The following PDZRN3 variants were observed in gnomAD, a reference collection of about 807,000 sequenced individuals.
The protein encoded by PDZRN3 is PDZ domain containing ring finger 3.
PDZRN3 carries 38 observed loss-of-function variants against 85.7 expected under a neutral mutation model. That is an observed-to-expected ratio of 0.44 (90% confidence interval 0.34 to 0.58). The LOEUF is 0.58. Among genes scored for constraint, PDZRN3 ranks in the 20% least tolerant of loss-of-function variants. The probability of loss-of-function intolerance (pLI) is 0.01; values close to 1 mark genes in which losing one functional copy is unlikely to be tolerated. For synonymous variants in PDZRN3, 759 were observed against 638.0 expected, an observed-to-expected ratio of 1.19 and a Z score of -2.86; for missense variants, 1,629 against 1,506.4, an observed-to-expected ratio of 1.08 and a Z score of -1.35.
chr3:73,508,790 A>T (rs2106701828), intron 3 of PDZRN3, among the ~76,000 whole-genome samples: 1 of 152,302 alleles, frequency 6.6e-6, no homozygotes, highest in Admixed American at 6.5e-5. Flanking sequence ...CACAAAATTG[A>T]TACATTGGAA....
At chr3:73,442,031 A>C (rs9818674) in intron 3 of PDZRN3, among the ~76,000 whole-genome samples, 135,831 of 152,208 alleles carry the variant, frequency 0.89, 60,649 homozygotes, top group East Asian at 1. Context: ...TGTGAATGTG[A>C]CCAATGTATC....
chr3:73,552,341 A>G (rs963789766), intron 3 of PDZRN3, among the ~76,000 whole-genome samples: 1 of 151,804 alleles, frequency 6.6e-6, no homozygotes, highest in African/African-American at 2.4e-5. Flanking sequence ...TAACTTTCTC[A>G]CCACTCAAAA....
intron 3 of PDZRN3, among the ~76,000 whole-genome samples, chr3:73,411,608 AGTG>A (rs1559664180): frequency 0.011 from 1,622 of 152,164 alleles, 18 homozygotes; most frequent in African/African-American, 0.037. Context: ...AGTCCACCAT[AGTG>A]GCAGCAGGTG....
chr3:73,483,094 G>A (rs961711902), intron 3 of PDZRN3, among the ~76,000 whole-genome samples: 3 of 152,150 alleles, frequency 2.0e-5, no homozygotes, highest in Non-Finnish European at 2.9e-5. Flanking sequence ...TACTTCAGAG[G>A]AGGTCAATTA....
At chr3:73,521,445 C>G (rs1339398077) in intron 3 of PDZRN3, among the ~76,000 whole-genome samples, 2 of 152,094 alleles carry the variant, frequency 1.3e-5, no homozygotes, top group Non-Finnish European at 1.5e-5. Context: ...TCTGAGGTCT[C>G]TGAATTGCCT....
chr3:73,384,394 G>A lies in PDZRN3; in HGVS notation c.2172C>T (p.Ser724=), dbSNP rs1208333223. Reference sequence around the variant, plus strand: ...TGCTGGTGTTGTAGTTGCGGAAGCCGCTGTTGTGCAGCATCCAGGACTCGC... The same window carrying A: ...TGCTGGTGTTGTAGTTGCGGAAGCCACTGTTGTGCAGCATCCAGGACTCGC... ...QYRESWMLHN[S]GFRNYNTSID... is the part of the protein sequence containing the mutation. The change falls in exon 10 of 10, where the codon AGC becomes AGT. Residue 724 remains serine, a synonymous_variant. Coordinates refer to ENST00000263666, the MANE Select transcript of PDZRN3 (RefSeq NM_015009.3). The A allele has an allele frequency of 1.9e-6, 3 of 1,609,380 alleles. No homozygotes were observed. The highest frequency in any genetic ancestry group is 1.7e-4 in the Middle Eastern group (1 of 6,058).
chr3:73,515,005 A>C (rs1447511570), intron 3 of PDZRN3, among the ~76,000 whole-genome samples: 2 of 152,006 alleles, frequency 1.3e-5, no homozygotes, highest in Non-Finnish European at 2.9e-5. Context: ...GTAAAACAAA[A>C]TCCCCCTATA....
At chr3:73,438,752 C>T (rs768688434) in intron 3 of PDZRN3, among the ~76,000 whole-genome samples, 14 of 152,200 alleles carry the variant, frequency 9.2e-5, no homozygotes, top group Admixed American at 2.0e-4. Context: ...TACTGTTCGC[C>T]GGGCTAGAAT....
At chr3:73,409,624 G>A (rs539179271) in intron 3 of PDZRN3, among the ~76,000 whole-genome samples, 6 of 152,198 alleles carry the variant, frequency 3.9e-5, no homozygotes, top group African/African-American at 1.4e-4. Flanking sequence ...CCAAGACATC[G>A]AGTGACTCAG....
rs985842459 is a variant in PDZRN3, at chr3:73,489,801, A to C, written c.919-85406T>G. Among the ~76,000 whole-genome samples the C allele has an allele frequency of 3.3e-5, 5 of 151,660 alleles. No individual in the cohort carries two copies. The South Asian group carries it at 1.0e-3, about 32-fold the overall frequency. ...TGGCCAGGCTGGTCTCCAACTCCTG[A>C]CCTCCAGTAATCTGCCTGCCTCAGC... On this transcript the variant is annotated intron_variant, in intron 3 of 9. Coordinates refer to ENST00000263666, the MANE Select transcript of PDZRN3 (RefSeq NM_015009.3).
intron 3 of PDZRN3, among the ~76,000 whole-genome samples, chr3:73,537,913 G>A (rs762138375): frequency 1.3e-5 from 2 of 151,886 alleles, no homozygotes; most frequent in Non-Finnish European, 2.9e-5. Flanking sequence ...GGAGTGAACC[G>A]TTGTGCCTGG....
chr3:73,390,859 G>A (rs1286263454), intron 6 of PDZRN3, among the ~76,000 whole-genome samples, 159 bp downstream of exon 6: 2 of 151,970 alleles, frequency 1.3e-5, no homozygotes, highest in Admixed American at 6.6e-5. Context: ...CTTAACCTCC[G>A]TGGAAAGATG....
At position 73,573,467 on chromosome 3, in the gene PDZRN3, C is replaced by T. The variant is rs143794620; in HGVS notation, c.918+28887G>A. Among the ~76,000 whole-genome samples, 451 of 152,256 alleles carry T rather than the reference C, an allele frequency of 3.0e-3. 3 individuals are homozygous for T. Among genetic ancestry groups the T allele is most frequent in the African/African-American group, 9.8e-3 (407 of 41,544 alleles). Reference sequence around the variant, plus strand: ...CACCAGGTCATATTTGTCCCACCACCTGTTTTATTAAATAAAGTTTTATTG... The same window carrying T: ...CACCAGGTCATATTTGTCCCACCACTTGTTTTATTAAATAAAGTTTTATTG... On this transcript the variant is annotated intron_variant, in intron 3 of 9. Coordinates refer to ENST00000263666, the MANE Select transcript of PDZRN3 (RefSeq NM_015009.3).
At chr3:73,433,882 C>A (rs1702481315) in intron 3 of PDZRN3, 3 of 1,432,852 alleles carry the variant, frequency 2.1e-6, no homozygotes, top group South Asian at 3.0e-5. Flanking sequence ...TCCCCCCTTC[C>A]ACGCTTCCCT....
chr3:73,526,434 T>A (rs914531322), intron 3 of PDZRN3, among the ~76,000 whole-genome samples: 5 of 152,192 alleles, frequency 3.3e-5, no homozygotes, highest in Non-Finnish European at 7.3e-5. Context: ...AGCCCCAGCC[T>A]TGCCAGCACC....
chr3:73,496,079 T>C lies in PDZRN3; in HGVS notation c.919-91684A>G, dbSNP rs1356725187. 2.0e-5 allele frequency among the ~76,000 whole-genome samples: 3 copies of C among 151,928 alleles called. No homozygotes were observed. In the East Asian group the frequency reaches 5.8e-4, roughly 29 times the overall value. ...TGAAAGACTAAGTCTCAAGTCAAGA[T>C]ATGCACTTGAAAAAAAAAACTGCTC... On this transcript the variant is annotated intron_variant, in intron 3 of 9. Coordinates refer to ENST00000263666, the MANE Select transcript of PDZRN3 (RefSeq NM_015009.3).
Position 73,624,940 on chromosome 3 carries a change from C to T in PDZRN3, c.-115G>A, listed in dbSNP as rs777357673. ...CGCGCGCTCGCTGGCTCTCCCCGGA[C>T]TGAGCCTAATTGATCCAGACTTCCT... On this transcript the variant is annotated 5_prime_UTR_variant, in exon 1 of 10. Transcript: ENST00000263666. The T allele has an allele frequency of 7.6e-6, 6 of 788,826 alleles. No individual in the cohort carries two copies. The highest frequency in any genetic ancestry group is 1.0e-5 in the Non-Finnish European group (6 of 584,358). The allele number at this position is 788,826 out of a possible 1,614,324, so 48.9% of individuals were successfully genotyped here.
At chr3:73,614,193 A>C (rs2106911865) in intron 1 of PDZRN3, among the ~76,000 whole-genome samples, 1 of 152,350 alleles carries the variant, frequency 6.6e-6, no homozygotes, top group Admixed American at 6.5e-5. Flanking sequence ...GGGGAAGAAA[A>C]GTCACAGTGG....
At chr3:73,504,662 CTTCA>C (rs1014652592) in intron 3 of PDZRN3, among the ~76,000 whole-genome samples, 14 of 152,252 alleles carry the variant, frequency 9.2e-5, no homozygotes, top group African/African-American at 3.1e-4. Flanking sequence ...TTTCTGAGGG[CTTCA>C]TTTTCAAGAA....
Sources: allele counts gnomAD v4.1 joint callset (sites outside exome capture counted in the v4.1 genomes callset), GRCh38; gene constraint gnomAD v4.1.1; transcripts MANE v1.5; gene names NCBI Gene and HGNC (gene_info 2026-07-23, HGNC 2026-07-21).